TEX36: variants seen among roughly 807,000 people sequenced by gnomAD.
TEX36 encodes testis-expressed protein 36.
TEX36 carries 12 observed loss-of-function variants against 13.6 expected under a neutral mutation model. That is an observed-to-expected ratio of 0.88 (90% CI 0.56 to 1.43). TEX36 has a LOEUF of 1.43. Ranked by LOEUF, TEX36 falls within the 40% of genes most tolerant of loss-of-function variation. The probability of loss-of-function intolerance (pLI) is 0.00; values close to 1 mark genes in which losing one functional copy is unlikely to be tolerated. For synonymous variants in TEX36, 93 were observed against 83.0 expected, an observed-to-expected ratio of 1.12 and a Z score of -0.65; for missense variants, 224 against 228.3, an observed-to-expected ratio of 0.98 and a Z score of 0.12.
intron 1 of TEX36, chr10:125,667,525 T>C (rs941882767): frequency 8.2e-6 from 6 of 734,274 alleles, no homozygotes; most frequent in Middle Eastern, 2.4e-4. Context: ...TGAAGTCAGC[T>C]CCATCCTTCT....
chr10:125,578,685 C>A (rs1845853288), intron 3 of TEX36, among the ~76,000 whole-genome samples: 1 of 152,166 alleles, frequency 6.6e-6, no homozygotes, highest in Non-Finnish European at 1.5e-5. Flanking sequence ...GGCTCTACCT[C>A]TAGAATCTCC....
chr10:125,635,784 G>C (rs764736151), intron 3 of TEX36, among the ~76,000 whole-genome samples: 2 of 152,044 alleles, frequency 1.3e-5, no homozygotes, highest in Non-Finnish European at 2.9e-5. Flanking sequence ...GGGATGGTGG[G>C]TTCCACCTCC....
chr10:125,588,592 GGTTTGTTTGTTTGTTTGTTTGTTT>G (rs59372231), intron 3 of TEX36, among the ~76,000 whole-genome samples: 2 of 147,368 alleles, frequency 1.4e-5, no homozygotes, highest in Admixed American at 1.3e-4. Flanking sequence ...CCAGGCTCTT[GGTTTGTTTGTTTGTTTGTTTGTTT>G]GTTTGTTTGT....
intron 3 of TEX36, among the ~76,000 whole-genome samples, chr10:125,607,334 G>C (rs540571946): frequency 1.3e-5 from 2 of 152,344 alleles, no homozygotes; most frequent in African/African-American, 2.4e-5. Context: ...TATGAGGCTG[G>C]TTGGTTTATC....
intron 1 of TEX36, among the ~76,000 whole-genome samples, chr10:125,669,423 T>C (rs1847184435): frequency 6.6e-6 from 1 of 151,998 alleles, no homozygotes; most frequent in South Asian, 2.1e-4. Context: ...GAGGTTGCAG[T>C]GAGCCAAGAT....
At chr10:125,604,323 C>T (rs539419317) in intron 3 of TEX36, among the ~76,000 whole-genome samples, 121 of 152,280 alleles carry the variant, frequency 7.9e-4, no homozygotes, top group South Asian at 1.2e-3. Flanking sequence ...ATTAGATTCT[C>T]ATAGGGGCAC....
downstream of TEX36, among the ~76,000 whole-genome samples, chr10:125,617,895 TC>T (rs1846379253): frequency 6.6e-6 from 1 of 152,218 alleles, no homozygotes; most frequent in African/African-American, 2.4e-5. Context: ...CCAACTTGGT[TC>T]CATTCTCCCT....
intron 3 of TEX36, among the ~76,000 whole-genome samples, chr10:125,639,694 T>C (rs556726575): frequency 6.6e-6 from 1 of 152,330 alleles, no homozygotes; most frequent in East Asian, 1.9e-4. Flanking sequence ...CAAACATGAT[T>C]GCTTTAACCC....
At chr10:125,675,268 C>T (rs1847293731) in intron 1 of TEX36, among the ~76,000 whole-genome samples, 1 of 152,200 alleles carries the variant, frequency 6.6e-6, no homozygotes, top group Non-Finnish European at 1.5e-5. Flanking sequence ...CTCTCCAGCA[C>T]CAGCAGGGTA....
rs146516382 is a variant in TEX36 at position 125,678,547 on chromosome 10, G to C, written c.51+4392C>G. On this transcript the variant is annotated intron_variant, in intron 1 of 3. Coordinates refer to ENST00000368821, the MANE Select transcript of TEX36 (RefSeq NM_001128202.3). The stretch of plus-strand genomic sequence containing the variant: ...TACTAGTAGTGGCAGCAATGAACGA[G>C]GCAGGTGGGTGGGTTCTCAGGCCCC... Among the ~76,000 whole-genome samples the C allele has an allele frequency of 4.9e-3, 753 of 152,320 alleles. 9 individuals carry two copies. The highest frequency in any genetic ancestry group is 0.017 in the African/African-American group (724 of 41,570).
intron 3 of TEX36, among the ~76,000 whole-genome samples, chr10:125,604,531 G>C (rs983739494): frequency 7.3e-5 from 11 of 151,706 alleles, no homozygotes; most frequent in African/African-American, 2.4e-4. Flanking sequence ...GAAAAAAAGA[G>C]AGCCAAGGGC....
chr10:125,672,688 T>A (rs1847252734), intron 1 of TEX36, among the ~76,000 whole-genome samples: 1 of 152,238 alleles, frequency 6.6e-6, no homozygotes, highest in Admixed American at 6.5e-5. Context: ...GTATTCTTGT[T>A]AATTTTCTGT....
intron 1 of TEX36, among the ~76,000 whole-genome samples, chr10:125,672,257 G>T (rs1386859003): frequency 6.6e-6 from 1 of 152,140 alleles, no homozygotes; most frequent in Non-Finnish European, 1.5e-5. Context: ...GCTTTTTGAT[G>T]TGGGCATTTG....
At chr10:125,605,628 G>T (rs1355829760) in intron 3 of TEX36, among the ~76,000 whole-genome samples, 1 of 152,068 alleles carries the variant, frequency 6.6e-6, no homozygotes, top group Non-Finnish European at 1.5e-5. Flanking sequence ...TTGAGATGGA[G>T]TCTCGCTCTG....
intron 1 of TEX36, chr10:125,667,443 C>G (rs543213011): frequency 1.0e-5 from 7 of 697,180 alleles, no homozygotes; most frequent in Non-Finnish European, 1.9e-5. Context: ...CAGGCCAGGA[C>G]GTTGGTATTT....
downstream of TEX36, among the ~76,000 whole-genome samples, chr10:125,617,109 C>T (rs1846370381): frequency 6.6e-6 from 1 of 151,740 alleles, no homozygotes; most frequent in African/African-American, 2.4e-5. Context: ...GATTGCAACC[C>T]CTGCCTTTTT....
At chr10:125,594,080 G>A (rs1349848721) in intron 3 of TEX36, among the ~76,000 whole-genome samples, 6 of 152,140 alleles carry the variant, frequency 3.9e-5, no homozygotes. Context: ...AGAGTCACAA[G>A]CAACCTCTCT....
At chr10:125,672,047 G>A (rs1420484106) in intron 1 of TEX36, among the ~76,000 whole-genome samples, 1 of 151,556 alleles carries the variant, frequency 6.6e-6, no homozygotes, top group East Asian at 1.9e-4. Flanking sequence ...CTAGCTAGTG[G>A]TCTATTTTAT....
At chr10:125,589,891 T>C (rs978581875) in intron 3 of TEX36, among the ~76,000 whole-genome samples, 1 of 152,224 alleles carries the variant, frequency 6.6e-6, no homozygotes, top group South Asian at 2.1e-4. Flanking sequence ...TCAAGTGATG[T>C]GGTTTGTAAA....
Sources: gnomAD v4.1 joint callset for allele counts (sites outside exome capture counted in the v4.1 genomes callset) on GRCh38, gnomAD v4.1.1 for gene constraint, MANE v1.5 for transcripts, NCBI Gene and HGNC (gene_info 2026-07-23, HGNC 2026-07-21) for gene names.